KCNAB1: variants seen among roughly 807,000 people sequenced by gnomAD.
KCNAB1 encodes potassium voltage-gated channel subfamily A regulatory beta subunit 1.
In KCNAB1, 35 loss-of-function variants were observed where a neutral mutation model predicts 64.6. The ratio of observed to expected loss-of-function variants is 0.54; its 90% CI spans 0.41 to 0.72. The LOEUF is 0.72. Among genes scored for constraint, KCNAB1 ranks in the 30% least tolerant of loss-of-function variants. KCNAB1 has a pLI of 0.00. For missense variants in KCNAB1, 401 were observed against 512.9 expected (o/e 0.78, Z 2.11); for synonymous variants, 177 against 183.8 (o/e 0.96, Z 0.30).
intron 1 of KCNAB1, among the ~76,000 whole-genome samples, chr3:156,224,781 G>A (rs1405253555): frequency 1.3e-5 from 2 of 152,094 alleles, no homozygotes; most frequent in African/African-American, 4.8e-5. Context: ...ATTATTCAAG[G>A]CTGCTATGAA....
At chr3:156,532,582 C>A (rs1257499994) in intron 13 of KCNAB1, among the ~76,000 whole-genome samples, 1 of 152,156 alleles carries the variant, frequency 6.6e-6, no homozygotes, top group African/African-American at 2.4e-5. Flanking sequence ...GATTTAAAAT[C>A]TTTTTTAAAA....
At chr3:156,171,504 A>G (rs1431007474) in intron 1 of KCNAB1, among the ~76,000 whole-genome samples, 1 of 152,152 alleles carries the variant, frequency 6.6e-6, no homozygotes, top group East Asian at 1.9e-4. Context: ...AGAGATTTAT[A>G]CTTTTCATTT....
chr3:156,347,489 G>A (rs1724559519), intron 1 of KCNAB1, among the ~76,000 whole-genome samples: 1 of 152,208 alleles, frequency 6.6e-6, no homozygotes, highest in African/African-American at 2.4e-5. Flanking sequence ...TCATTGGAAG[G>A]AGCTAGAGAA....
intron 1 of KCNAB1, among the ~76,000 whole-genome samples, chr3:156,168,436 G>A (rs1304570241): frequency 1.3e-5 from 2 of 152,138 alleles, no homozygotes; most frequent in East Asian, 3.8e-4. Flanking sequence ...AAGCATTCCA[G>A]TTTAGAAATG....
intron 1 of KCNAB1, among the ~76,000 whole-genome samples, chr3:156,229,813 G>C (rs1201845520): frequency 6.6e-6 from 1 of 152,014 alleles, no homozygotes; most frequent in African/African-American, 2.4e-5. Context: ...AGAGGTACTT[G>C]TTTGGGTAGC....
chr3:156,194,311 A>T (rs1031080450), intron 1 of KCNAB1, among the ~76,000 whole-genome samples: 2 of 152,026 alleles, frequency 1.3e-5, no homozygotes, highest in African/African-American at 4.8e-5. Context: ...ATAGCTGAAA[A>T]CTTTTTGATA....
chr3:156,247,462 A>G (rs1403488177), intron 1 of KCNAB1, among the ~76,000 whole-genome samples: 7 of 152,098 alleles, frequency 4.6e-5, no homozygotes, highest in Admixed American at 1.3e-4. Flanking sequence ...TTTCTCTTAT[A>G]TTCTTGTGCA....
At chr3:156,255,895 A>T (rs1226552215) in intron 1 of KCNAB1, among the ~76,000 whole-genome samples, 1 of 152,220 alleles carries the variant, frequency 6.6e-6, no homozygotes, top group Non-Finnish European at 1.5e-5. Flanking sequence ...TGTCTTTCTC[A>T]TGTGACTGTG....
chr3:156,179,347 A>AG (rs1428449553), intron 1 of KCNAB1, among the ~76,000 whole-genome samples: 3 of 152,176 alleles, frequency 2.0e-5, no homozygotes, highest in East Asian at 1.9e-4. Flanking sequence ...CCATTCCAGA[A>AG]GGGGGGATAT....
At chr3:156,223,173 C>T (rs1715893209) in intron 1 of KCNAB1, among the ~76,000 whole-genome samples, 1 of 152,208 alleles carries the variant, frequency 6.6e-6, no homozygotes, top group African/African-American at 2.4e-5. Context: ...TCACTGGCTT[C>T]AGCAGTGAAG....
intron 1 of KCNAB1, among the ~76,000 whole-genome samples, chr3:156,195,582 A>C (rs904534111): frequency 5.3e-5 from 8 of 152,106 alleles, no homozygotes; most frequent in Admixed American, 2.0e-4. Context: ...GCATAAATGT[A>C]TTCTTTTGAG....
chr3:156,431,559 G>C (rs897661773), intron 2 of KCNAB1, among the ~76,000 whole-genome samples: 37 of 152,318 alleles, frequency 2.4e-4, no homozygotes, highest in African/African-American at 8.9e-4. Flanking sequence ...AATGCACCGA[G>C]GATGACTGTG....
intron 1 of KCNAB1, among the ~76,000 whole-genome samples, chr3:156,312,478 G>A (rs756446111): frequency 3.9e-5 from 6 of 152,086 alleles, no homozygotes; most frequent in East Asian, 1.9e-4. Flanking sequence ...TCGGGAGGCC[G>A]AGGCGGGTGG....
chr3:156,144,158 T>C (rs1714904078), intron 1 of KCNAB1, among the ~76,000 whole-genome samples: 1 of 152,178 alleles, frequency 6.6e-6, no homozygotes, highest in Non-Finnish European at 1.5e-5. Context: ...CCTGGAGTTT[T>C]AAACAGCCCA....
intron 1 of KCNAB1, among the ~76,000 whole-genome samples, chr3:156,410,458 A>G (rs1714570822): frequency 6.6e-6 from 1 of 152,342 alleles, no homozygotes; most frequent in South Asian, 2.1e-4. Context: ...TCTGTATTTC[A>G]TCTTGGGTCC....
chr3:156,421,670 A>AG lies in KCNAB1; in HGVS notation c.319+14dup, dbSNP rs768511522. The AG allele has an allele frequency of 1.1e-4, 173 of 1,613,018 alleles. 2 individuals carry two copies. In the South Asian group the frequency reaches 1.8e-3, roughly 17 times the overall value. ...CTTGCTTGGGTCTTGGTAAGTACTG[A>AG]GGGTGTGACCTGGGGGTGGGCTGGA... On this transcript the variant is annotated intron_variant, in intron 2 of 13. Coordinates refer to ENST00000490337, the MANE Select transcript of KCNAB1 (RefSeq NM_172160.3).
chr3:156,515,514 A>G (rs1238226065), intron 10 of KCNAB1, among the ~76,000 whole-genome samples: 2 of 152,148 alleles, frequency 1.3e-5, no homozygotes, highest in African/African-American at 4.8e-5. Flanking sequence ...AAAAGGAACA[A>G]CCAATGAATA....
intron 1 of KCNAB1, among the ~76,000 whole-genome samples, chr3:156,411,396 A>T (rs1282245894): frequency 6.6e-6 from 1 of 152,022 alleles, no homozygotes; most frequent in Non-Finnish European, 1.5e-5. Flanking sequence ...TTTTTAATGG[A>T]TCATCTTTTT....
intron 1 of KCNAB1, among the ~76,000 whole-genome samples, chr3:156,142,019 T>G (rs1047315736): frequency 1.3e-5 from 2 of 152,256 alleles, no homozygotes; most frequent in Non-Finnish European, 2.9e-5. Context: ...AATGATCTTT[T>G]GATGCTCTTA....
Sources: allele counts gnomAD v4.1 joint callset (sites outside exome capture counted in the v4.1 genomes callset), GRCh38; gene constraint gnomAD v4.1.1; transcripts MANE v1.5; gene names NCBI Gene and HGNC (gene_info 2026-07-23, HGNC 2026-07-21).